The following RANBP2 variants were observed in gnomAD, a reference collection of about 807,000 sequenced individuals.
RANBP2 encodes E3 SUMO-protein ligase RanBP2.
Under a neutral mutation model 303.6 loss-of-function variants are expected in RANBP2, and 57 were observed. The observed-to-expected ratio is 0.19, with a 90% CI of 0.15 to 0.23. RANBP2 has a LOEUF of 0.23. Among genes scored for constraint, RANBP2 ranks in the 10% least tolerant of loss-of-function variants. The probability of loss-of-function intolerance (pLI) is 1.00; values close to 1 mark genes in which losing one functional copy is unlikely to be tolerated. For missense variants in RANBP2, 3,138 were observed against 3,780.8 expected, an observed-to-expected ratio of 0.83 and a Z score of 4.46; for synonymous variants, 1,167 against 1,301.5, an observed-to-expected ratio of 0.90 and a Z score of 2.23.
the RANBP2 span, among the ~76,000 whole-genome samples, chr2:109,631,363 T>G: frequency 1.6e-4 from 25 of 152,356 alleles, no homozygotes; most frequent in African/African-American, 6.0e-4. Context: ...TATGAAATAT[T>G]TTGAAAAGAA....
the RANBP2 span, among the ~76,000 whole-genome samples, chr2:109,294,938 C>T: frequency 6.6e-6 from 1 of 152,222 alleles, no homozygotes; most frequent in Non-Finnish European, 1.5e-5. Context: ...GTGGAAACAG[C>T]ACTTTCCCAG....
chr2:109,742,858 G>A, the RANBP2 span, among the ~76,000 whole-genome samples: 31 of 148,684 alleles, frequency 2.1e-4, 6 homozygotes, highest in South Asian at 6.5e-3. Flanking sequence ...AACAGTCAAT[G>A]GAATAGAATT....
chr2:109,441,455 A>G, the RANBP2 span, among the ~76,000 whole-genome samples: 1 of 152,318 alleles, frequency 6.6e-6, no homozygotes, highest in East Asian at 1.9e-4. Context: ...TGAAGAAAAA[A>G]TATTTGTAAA....
chr2:108,786,876 C>T (rs758095981), downstream of RANBP2: 10 of 1,574,832 alleles, frequency 6.3e-6, no homozygotes, highest in East Asian at 2.5e-4. Flanking sequence ...TGGAGAGTCT[C>T]AAAAGCCGCT....
the RANBP2 span, among the ~76,000 whole-genome samples, chr2:109,305,252 G>A: frequency 6.6e-6 from 1 of 152,304 alleles, no homozygotes; most frequent in East Asian, 1.9e-4. Flanking sequence ...TTCCCCCTGG[G>A]AAGTTCAGTG....
chr2:108,830,200 C>T, the RANBP2 span, among the ~76,000 whole-genome samples: 1 of 152,206 alleles, frequency 6.6e-6, no homozygotes, highest in African/African-American at 2.4e-5. Context: ...CATGCAGTAC[C>T]TAGAATAGTC....
At chr2:109,213,055 G>A in the RANBP2 span, among the ~76,000 whole-genome samples, 10 of 152,382 alleles carry the variant, frequency 6.6e-5, no homozygotes, top group African/African-American at 2.4e-4. Flanking sequence ...GGAGGATGCA[G>A]TCCTGGGAAG....
the RANBP2 span, among the ~76,000 whole-genome samples, chr2:109,419,971 G>A: frequency 6.6e-6 from 1 of 152,236 alleles, no homozygotes; most frequent in Non-Finnish European, 1.5e-5. Flanking sequence ...ATTGAGGGGA[G>A]AGGCGGGAGG....
the RANBP2 span, among the ~76,000 whole-genome samples, chr2:109,420,922 C>T: frequency 1.3e-5 from 2 of 152,142 alleles, no homozygotes; most frequent in African/African-American, 4.8e-5. Flanking sequence ...TATAATTAAC[C>T]AATGTAATGA....
chr2:109,525,364 A>G, the RANBP2 span, among the ~76,000 whole-genome samples: 2 of 152,044 alleles, frequency 1.3e-5, no homozygotes, highest in Admixed American at 1.3e-4. Flanking sequence ...GGTTTTCACC[A>G]TCTTGGCCAG....
At chr2:109,492,004 C>G in the RANBP2 span, among the ~76,000 whole-genome samples, 2 of 152,098 alleles carry the variant, frequency 1.3e-5, no homozygotes, top group Non-Finnish European at 2.9e-5. Flanking sequence ...GTATAGTTTT[C>G]TAGCTTCACA....
chr2:109,544,893 A>G, the RANBP2 span: 1 of 927,378 alleles, frequency 1.1e-6, no homozygotes, highest in Non-Finnish European at 1.3e-6. Flanking sequence ...GCTTGCATTG[A>G]AAGATCATAC....
the RANBP2 span, among the ~76,000 whole-genome samples, chr2:109,277,910 C>T: frequency 6.6e-6 from 1 of 151,590 alleles, no homozygotes; most frequent in African/African-American, 2.4e-5. Flanking sequence ...TGTGGTGGCT[C>T]ACGCCTATAA....
chr2:108,786,724 G>A (rs908859494), downstream of RANBP2: 62 of 1,140,430 alleles, frequency 5.4e-5, no homozygotes, highest in Non-Finnish European at 7.3e-5. Context: ...CGTGCCTCGG[G>A]GGGGCGGGGT....
At chr2:108,931,691 G>A in the RANBP2 span, among the ~76,000 whole-genome samples, 2 of 152,128 alleles carry the variant, frequency 1.3e-5, no homozygotes, top group African/African-American at 2.4e-5. Flanking sequence ...AATATTACAC[G>A]AATGCATTCC....
chr2:109,520,621 A>AAAG, the RANBP2 span, among the ~76,000 whole-genome samples: 1 of 92,938 alleles, frequency 1.1e-5, no homozygotes, highest in African/African-American at 3.2e-5. Flanking sequence ...AAAAAAAAAA[A>AAAG]AAAGAAAAAA....
At chr2:109,261,101 G>A in the RANBP2 span, among the ~76,000 whole-genome samples, 10 of 152,196 alleles carry the variant, frequency 6.6e-5, no homozygotes, top group Admixed American at 3.9e-4. Context: ...CTGCCAAGAC[G>A]CCCAATGGGG....
At chr2:109,515,338 T>TG in the RANBP2 span, among the ~76,000 whole-genome samples, 3 of 152,248 alleles carry the variant, frequency 2.0e-5, no homozygotes, top group East Asian at 5.8e-4. Flanking sequence ...GAAGGGGGCC[T>TG]GCAGGCTGGG....
chr2:108,902,147 AGAATCGCTTAAACCTGG>A, the RANBP2 span, among the ~76,000 whole-genome samples: 1 of 151,718 alleles, frequency 6.6e-6, no homozygotes, highest in African/African-American at 2.4e-5. Flanking sequence ...CTGAGAAAGG[AGAATCGCTTAAACCTGG>A]GAGGTGGAGG....
Sources: gnomAD v4.1 joint callset for allele counts (sites outside exome capture counted in the v4.1 genomes callset) on GRCh38, gnomAD v4.1.1 for gene constraint, MANE v1.5 for transcripts, NCBI Gene and HGNC (gene_info 2026-07-23, HGNC 2026-07-21) for gene names.